Variants in FIP1L1 observed in about 807,000 individuals in gnomAD.
FIP1L1 encodes the protein factor interacting with PAPOLA and CPSF1.
A neutral mutation model predicts 84.6 loss-of-function variants in FIP1L1; 21 were observed. The ratio of observed to expected loss-of-function variants is 0.25; its 90% CI spans 0.18 to 0.36. The LOEUF is 0.36. FIP1L1 is among the 10% of genes least tolerant of loss of function. The probability of loss-of-function intolerance (pLI) is 1.00; values close to 1 mark genes in which losing one functional copy is unlikely to be tolerated. For missense variants in FIP1L1, 526 were observed against 751.1 expected (o/e 0.70, Z 3.50); for synonymous variants, 263 against 242.3 (o/e 1.09, Z -0.80).
chr4:53,377,692 C>T lies in FIP1L1; in HGVS notation c.-147C>T, dbSNP rs565307144. ...GAGGCTTCATCTTTGCCGCCGCTGC[C>T]GTCGCCTTCCTGGGATTGGAGTCTC... On this transcript the variant is annotated 5_prime_UTR_variant, in exon 1 of 18. Coordinates refer to ENST00000337488, the MANE Select transcript of FIP1L1 (RefSeq NM_030917.4). The T allele has an allele frequency of 6.0e-5, 40 of 669,694 alleles. No homozygotes were observed. Among genetic ancestry groups the T allele is most frequent in the Middle Eastern group, 4.3e-4 (1 of 2,316 alleles). 41.5% of individuals were successfully genotyped at this position (669,694 alleles called of 1,614,324 possible). A position where few individuals can be genotyped will look rare whatever the true frequency, so the allele number is the denominator to read the frequency against.
At chr4:53,415,547 G>C (rs532173790) in intron 11 of FIP1L1, among the ~76,000 whole-genome samples, 6 of 135,078 alleles carry the variant, frequency 4.4e-5, no homozygotes. Flanking sequence ...TTTTGCTTTT[G>C]TTAGAGAATT....
intron 9 of FIP1L1, among the ~76,000 whole-genome samples, chr4:53,397,159 A>G (rs1464831280): frequency 1.3e-5 from 2 of 152,228 alleles, no homozygotes; most frequent in Non-Finnish European, 2.9e-5. Flanking sequence ...TTTTCCCTGT[A>G]AAGAGAAACC....
rs148264857 is a variant in FIP1L1 at position 53,459,386 on chromosome 4, A to C, written c.1722A>C (p.Gly574=). Residue 574 remains glycine, a synonymous_variant, in exon 18 of 18, where the codon GGA becomes GGC. Transcript: ENST00000337488. ...AAAAATCTAAAAGAAGCAAAGAAGG[A>C]AAAGAAGCGGGCAGTGAGCCTGCCC... ...KHKKSKRSKE[G]KEAGSEPAPE... 10 of 1,613,020 alleles carry C rather than the reference A, an allele frequency of 6.2e-6. No homozygotes were observed. Among genetic ancestry groups the C allele is most frequent in the Non-Finnish European group, 6.8e-6 (8 of 1,179,638 alleles).
Position 53,428,230 on chromosome 4 carries a change from G to A in FIP1L1, c.1174+47G>A, listed in dbSNP as rs371915114. 6.9e-4 allele frequency: 1,029 copies of A among 1,480,926 alleles called. 14 individuals carry two copies. The South Asian group carries it at 0.014, about 21-fold the overall frequency. 91.7% of individuals were successfully genotyped at this position (1,480,926 alleles called of 1,614,324 possible). A position where few individuals can be genotyped will look rare whatever the true frequency, so the allele number is the denominator to read the frequency against. On this transcript the variant is annotated intron_variant, in intron 13 of 17. Coordinates refer to ENST00000337488, the MANE Select transcript of FIP1L1 (RefSeq NM_030917.4). ...TGACTTTGAAAGAAAAATAGCTTGC[G>A]AGTGTTTTTTAAAATTTTTGACAAT...
At chr4:53,397,056 G>A (rs1004689739) in intron 9 of FIP1L1, among the ~76,000 whole-genome samples, 4 of 152,120 alleles carry the variant, frequency 2.6e-5, no homozygotes, top group African/African-American at 4.8e-5. Context: ...CTTTTTAACC[G>A]ATGAAAGAAT....
chr4:53,456,793 C>A (rs1490438065), intron 16 of FIP1L1, among the ~76,000 whole-genome samples: 3 of 151,972 alleles, frequency 2.0e-5, no homozygotes, highest in Non-Finnish European at 2.9e-5. Context: ...TGTGTAGGAC[C>A]CAATCTTCTA....
intron 9 of FIP1L1, among the ~76,000 whole-genome samples, chr4:53,395,477 T>C (rs1746721633): frequency 6.6e-6 from 1 of 152,096 alleles, no homozygotes; most frequent in Non-Finnish European, 1.5e-5. Context: ...CCTTAGGCTT[T>C]GGGGGGAAGG....
At chr4:53,403,668 A>T (rs1394371784) in intron 10 of FIP1L1, among the ~76,000 whole-genome samples, 1 of 152,188 alleles carries the variant, frequency 6.6e-6, no homozygotes, top group African/African-American at 2.4e-5. Flanking sequence ...AATATGGCGG[A>T]TGAGGCAAAA....
intron 10 of FIP1L1, among the ~76,000 whole-genome samples, chr4:53,401,423 G>A (rs537567270): frequency 6.6e-6 from 1 of 152,212 alleles, no homozygotes; most frequent in African/African-American, 2.4e-5. Flanking sequence ...CGATTTAGTC[G>A]CTTTACTAAA....
intron 10 of FIP1L1, among the ~76,000 whole-genome samples, chr4:53,403,234 TTGA>T (rs764659660): frequency 1.3e-5 from 2 of 152,056 alleles, no homozygotes; most frequent in Admixed American, 1.3e-4. Flanking sequence ...AAGTAAAAAA[TTGA>T]TGACACAGGG....
At chr4:53,417,407 C>T (rs28506190) in intron 11 of FIP1L1, among the ~76,000 whole-genome samples, 19,680 of 151,686 alleles carry the variant, frequency 0.13, 2,540 homozygotes, top group African/African-American at 0.32. Flanking sequence ...TTTGGGAGGC[C>T]GAGGCAGGCA....
chr4:53,404,123 T>C (rs1307045223), intron 10 of FIP1L1, among the ~76,000 whole-genome samples: 1 of 151,370 alleles, frequency 6.6e-6, no homozygotes, highest in Non-Finnish European at 1.5e-5. Flanking sequence ...ACTCGTCATT[T>C]AGAATTAGGT....
At chr4:53,379,986 T>G (rs1736934729) in intron 3 of FIP1L1, among the ~76,000 whole-genome samples, 4 of 152,088 alleles carry the variant, frequency 2.6e-5, no homozygotes, top group Admixed American at 2.6e-4. Flanking sequence ...TAAGCTGCAA[T>G]CGAAAAGATA....
chr4:53,424,260 T>C (rs560705653), intron 11 of FIP1L1, among the ~76,000 whole-genome samples: 53 of 152,200 alleles, frequency 3.5e-4, no homozygotes, highest in Middle Eastern at 3.4e-3. Flanking sequence ...ATATGAAATG[T>C]TTGTATATCA....
rs34929012 is a variant in FIP1L1 at position 53,389,455 on chromosome 4, C to CTTT, written c.333-345_333-343dup. On this transcript the variant is annotated intron_variant, in intron 5 of 17. Transcript: ENST00000337488. Reference sequence around the variant, plus strand: ...GTTTTTGAAATGGAAACAAGTCAGGCTTTTTTTTTTTACTGTTTTTGCCTT... The same window carrying CTTT: ...GTTTTTGAAATGGAAACAAGTCAGGCTTTTTTTTTTTTTTACTGTTTTTGCCTT... 7.8e-4 allele frequency among the ~76,000 whole-genome samples: 118 copies of CTTT among 150,568 alleles called. 1 individual carries two copies. Among genetic ancestry groups the CTTT allele is most frequent in the African/African-American group, 2.6e-3 (107 of 40,986 alleles).
intron 5 of FIP1L1, among the ~76,000 whole-genome samples, chr4:53,384,698 A>G (rs1232103449): frequency 6.6e-6 from 1 of 152,256 alleles, no homozygotes; most frequent in Non-Finnish European, 1.5e-5. Context: ...CATTGAGCGC[A>G]TAAAGAATCT....
chr4:53,422,454 A>T (rs935640444), intron 11 of FIP1L1, among the ~76,000 whole-genome samples: 1 of 151,888 alleles, frequency 6.6e-6, no homozygotes, highest in Non-Finnish European at 1.5e-5. Context: ...TTTTCTGTTT[A>T]TTCTCATTTG....
chr4:53,425,369 G>A (rs1039753921), intron 11 of FIP1L1, among the ~76,000 whole-genome samples: 3 of 151,996 alleles, frequency 2.0e-5, no homozygotes, highest in Admixed American at 1.3e-4. Context: ...ATCAGAAATG[G>A]CAAACTGGTT....
chr4:53,390,168 G>A (rs117301320), intron 6 of FIP1L1, among the ~76,000 whole-genome samples: 3 of 152,166 alleles, frequency 2.0e-5, no homozygotes, highest in East Asian at 3.9e-4. Flanking sequence ...TTGAACTTTC[G>A]AGCTTAAGTG....
Sources: allele counts gnomAD v4.1 joint callset (sites outside exome capture counted in the v4.1 genomes callset), GRCh38; gene constraint gnomAD v4.1.1; transcripts MANE v1.5; gene names NCBI Gene and HGNC (gene_info 2026-07-23, HGNC 2026-07-21).